The following AMOTL1 variants were observed in gnomAD, a reference collection of about 807,000 sequenced individuals.
AMOTL1 encodes the protein angiomotin-like protein 1.
Under a neutral mutation model 102.9 loss-of-function variants are expected in AMOTL1, and 45 were observed. The observed-to-expected ratio is 0.44, with a 90% CI of 0.34 to 0.56. The LOEUF (loss-of-function observed/expected upper bound fraction) is 0.56. AMOTL1 is among the 20% of genes least tolerant of loss of function. AMOTL1 has a pLI of 0.01. For missense variants in AMOTL1, 1,114 were observed against 1,225.6 expected (o/e 0.91, Z 1.36); for synonymous variants, 481 against 484.7 (o/e 0.99, Z 0.10).
rs1178701028 is a variant in AMOTL1 at position 94,829,999 on chromosome 11, C to T, written c.1414-51C>T. 8 of 1,519,470 alleles carry T rather than the reference C, an allele frequency of 5.3e-6. No individual in the cohort carries two copies. The Admixed American group carries it at 1.8e-4, about 34-fold the overall frequency. 94.1% of individuals were successfully genotyped at this position (1,519,470 alleles called of 1,614,324 possible). On this transcript the variant is annotated intron_variant, in intron 4 of 12. Coordinates refer to ENST00000433060, the MANE Select transcript of AMOTL1 (RefSeq NM_130847.3). The stretch of plus-strand genomic sequence containing the variant: ...TGTCTAAGAATCCATTTTACCAAGA[C>T]ACCAGCATGAATGTCAAAGGTACCA...
intron 5 of AMOTL1, among the ~76,000 whole-genome samples, chr11:94,830,850 G>A (rs895584664): frequency 6.6e-6 from 1 of 152,196 alleles, no homozygotes; most frequent in Non-Finnish European, 1.5e-5. Flanking sequence ...CCAGTAGCTA[G>A]ATCCCACCTT....
intron 1 of AMOTL1, among the ~76,000 whole-genome samples, chr11:94,794,169 G>A (rs1320002675): frequency 6.6e-6 from 1 of 152,160 alleles, no homozygotes; most frequent in Non-Finnish European, 1.5e-5. Context: ...TTTTAAAAAA[G>A]TACTATGATT....
At chr11:94,808,938 C>T (rs1297539761) in intron 3 of AMOTL1, among the ~76,000 whole-genome samples, 3 of 150,584 alleles carry the variant, frequency 2.0e-5, no homozygotes, top group Non-Finnish European at 4.4e-5. Context: ...CCTTTTCTAC[C>T]AAGTCTCTAA....
chr11:94,774,308 T>A (rs1950994185), intron 1 of AMOTL1, among the ~76,000 whole-genome samples: 1 of 152,182 alleles, frequency 6.6e-6, no homozygotes, highest in Non-Finnish European at 1.5e-5. Context: ...AAAATAAACC[T>A]TTCTTTGCTT....
At chr11:94,793,924 A>G (rs1951324206) in intron 1 of AMOTL1, among the ~76,000 whole-genome samples, 1 of 152,226 alleles carries the variant, frequency 6.6e-6, no homozygotes, top group Admixed American at 6.5e-5. Flanking sequence ...ATGTGAGCAC[A>G]CACGCAAATA....
At chr11:94,731,441 G>A (rs1950349827) in intron 2 of AMOTL1, among the ~76,000 whole-genome samples, 1 of 152,170 alleles carries the variant, frequency 6.6e-6, no homozygotes, top group Admixed American at 6.5e-5. Context: ...CAAGAAAGGT[G>A]CAGGTCCTCA....
chr11:94,823,663 A>C (rs1022481218), intron 4 of AMOTL1, among the ~76,000 whole-genome samples: 1 of 151,890 alleles, frequency 6.6e-6, no homozygotes, highest in Admixed American at 6.6e-5. Context: ...GAGTTACACA[A>C]ATGGTGCAGA....
chr11:94,762,548 A>T (rs1056149209), intron 3 of AMOTL1, among the ~76,000 whole-genome samples: 5 of 152,186 alleles, frequency 3.3e-5, no homozygotes, highest in African/African-American at 1.2e-4. Flanking sequence ...ATCAGCCAAA[A>T]AAGTATTATG....
chr11:94,789,661 G>A (rs1951250309), intron 1 of AMOTL1, among the ~76,000 whole-genome samples: 1 of 152,144 alleles, frequency 6.6e-6, no homozygotes, highest in Admixed American at 6.5e-5. Context: ...TGTTTCCAGG[G>A]TATCCTTCTC....
Position 94,747,563 on chromosome 11 carries a change from C to T in AMOTL1, c.136+6575C>T, listed in dbSNP as rs192486067. ...AATAACTTAAATATTTCCCAGTCTCCTCCTACCCCCTTGTCCTCCAAAAAT... is the reference window on the plus strand; with the variant it reads ...AATAACTTAAATATTTCCCAGTCTCTTCCTACCCCCTTGTCCTCCAAAAAT... On this transcript the variant is annotated intron_variant, in intron 3 of 4. Coordinates refer to the AMOTL1 transcript ENST00000299004. Among the ~76,000 whole-genome samples, 251 of 152,276 alleles carry T rather than the reference C, an allele frequency of 1.6e-3. 2 individuals carry two copies. The highest frequency in any genetic ancestry group is 4.5e-3 in the African/African-American group (188 of 41,550).
chr11:94,844,180 T>C (rs1384634957), intron 6 of AMOTL1, among the ~76,000 whole-genome samples: 1 of 152,204 alleles, frequency 6.6e-6, no homozygotes, highest in Non-Finnish European at 1.5e-5. Flanking sequence ...TCCAAGAACC[T>C]TCCTTGAGAA....
chr11:94,728,063 G>A (rs1239625813), intron 1 of AMOTL1, among the ~76,000 whole-genome samples: 2 of 152,200 alleles, frequency 1.3e-5, no homozygotes, highest in Non-Finnish European at 2.9e-5. Context: ...TAGGCTGACA[G>A]GACTTCTACT....
chr11:94,790,446 G>A (rs1470836879), intron 1 of AMOTL1, among the ~76,000 whole-genome samples: 1 of 152,174 alleles, frequency 6.6e-6, no homozygotes, highest in Non-Finnish European at 1.5e-5. Context: ...GGATGGTGTT[G>A]AGAGGCGTTC....
intron 6 of AMOTL1, among the ~76,000 whole-genome samples, chr11:94,841,743 CTCAG>C (rs1952306160): frequency 6.6e-6 from 1 of 152,140 alleles, no homozygotes; most frequent in Non-Finnish European, 1.5e-5. Flanking sequence ...TGGGTGTCTC[CTCAG>C]TCAGGCAAGT....
intron 1 of AMOTL1, among the ~76,000 whole-genome samples, chr11:94,777,633 A>G (rs974448285): frequency 6.6e-6 from 1 of 152,250 alleles, no homozygotes; most frequent in Non-Finnish European, 1.5e-5. Context: ...GTTTGTTCAT[A>G]AAATAAAATA....
At chr11:94,822,629 G>A (rs1951887140) in intron 4 of AMOTL1, among the ~76,000 whole-genome samples, 1 of 152,178 alleles carries the variant, frequency 6.6e-6, no homozygotes, top group African/African-American at 2.4e-5. Context: ...GACTTATCAG[G>A]TGGGGAGATG....
chr11:94,728,946 G>C (rs765975000), exon 2 of AMOTL1: 27 of 1,282,710 alleles, frequency 2.1e-5, no homozygotes, highest in African/African-American at 3.0e-5. Flanking sequence ...TGATCTGAAA[G>C]CTATACATAC....
rs187751006 is a variant in AMOTL1 at position 94,834,587 on chromosome 11, G to A, written c.1648+3046G>A. On this transcript the variant is annotated intron_variant, in intron 6 of 12. Coordinates refer to ENST00000433060, the MANE Select transcript of AMOTL1 (RefSeq NM_130847.3). Reference sequence around the variant, plus strand: ...AGCCTGGGCGACAGAGCGAGACTCCGTCTCAAAAAAAAAAAGTTATGTCTT... The same window carrying A: ...AGCCTGGGCGACAGAGCGAGACTCCATCTCAAAAAAAAAAAGTTATGTCTT... 2.0e-3 allele frequency among the ~76,000 whole-genome samples: 298 copies of A among 151,644 alleles called. 4 individuals carry two copies. The highest frequency in any genetic ancestry group is 2.5e-4 in the Non-Finnish European group (17 of 67,892).
chr11:94,818,426 C>T (rs1379634750), intron 3 of AMOTL1, among the ~76,000 whole-genome samples: 1 of 152,182 alleles, frequency 6.6e-6, no homozygotes, highest in African/African-American at 2.4e-5. Context: ...GAAGTCTAAT[C>T]TGAGTTTCCT....
Sources: gnomAD v4.1 joint callset for allele counts (sites outside exome capture counted in the v4.1 genomes callset) on GRCh38, gnomAD v4.1.1 for gene constraint, MANE v1.5 for transcripts, NCBI Gene and HGNC (gene_info 2026-07-23, HGNC 2026-07-21) for gene names.